ARHGEF18: variants seen among roughly 807,000 people sequenced by gnomAD.
ARHGEF18 encodes the protein Rho/Rac guanine nucleotide exchange factor 18, also known as rho guanine nucleotide exchange factor 18.
A neutral mutation model predicts 155.7 loss-of-function variants in ARHGEF18; 93 were observed. That is an observed-to-expected ratio of 0.60 (90% CI 0.50 to 0.71). The LOEUF (loss-of-function observed/expected upper bound fraction) is 0.71, where lower values mean the gene tolerates loss of function less well. ARHGEF18 is among the 30% of genes least tolerant of loss of function. The probability of loss-of-function intolerance (pLI) is 0.00; values close to 1 mark genes in which losing one functional copy is unlikely to be tolerated. For synonymous variants in ARHGEF18, 742 were observed against 753.1 expected (o/e 0.99, Z 0.24); for missense variants, 1,593 against 1,816.1 (o/e 0.88, Z 2.23).
chr19:7,429,374 A>G (rs12460015), intron 10 of ARHGEF18, among the ~76,000 whole-genome samples: 86,811 of 151,936 alleles, frequency 0.57, 25,071 homozygotes, highest in Middle Eastern at 0.75. Context: ...AGGCCAAGGC[A>G]GGCAGATCAC....
intron 10 of ARHGEF18, among the ~76,000 whole-genome samples, chr19:7,436,497 T>G (rs1216938478): frequency 6.6e-6 from 1 of 152,070 alleles, no homozygotes; most frequent in African/African-American, 2.4e-5. Context: ...AGGCTGGTCT[T>G]GAACTCCTGA....
At position 7,451,191 on chromosome 19, in the gene ARHGEF18, G is replaced by T; in HGVS notation, c.1780G>T (p.Glu594Ter). Residue 594 changes from glutamate (E) to a stop codon, truncating the protein, a stop_gained, in exon 16 of 29, where the codon GAG becomes TAG. Transcript: ENST00000668164. LOFTEE classifies it high-confidence loss of function. ...CATCGTGCGGCGGCTTGGCGTGCAG[G>T]AGTGCATTCTCCTGGTTACACAACG... ...FSIVRRLGVQ[E>*]CILLVTQRIT... The T allele has an allele frequency of 6.3e-7, 1 of 1,588,782 alleles. No individual in the cohort carries two copies. Among genetic ancestry groups the T allele is most frequent in the Non-Finnish European group, 8.6e-7 (1 of 1,169,578 alleles).
intron 2 of ARHGEF18, among the ~76,000 whole-genome samples, chr19:7,372,342 T>C (rs10410488): frequency 0.2 from 29,835 of 151,652 alleles, 6,699 homozygotes; most frequent in African/African-American, 0.54. Flanking sequence ...AGAGGAGGTT[T>C]TGCAAGAAGA....
chr19:7,354,127 T>C (rs1969224835), intron 1 of ARHGEF18, among the ~76,000 whole-genome samples: 1 of 151,684 alleles, frequency 6.6e-6, no homozygotes, highest in Non-Finnish European at 1.5e-5. Context: ...CTGGGCAACA[T>C]AGAAGACCCC....
chr19:7,362,026 AAGGAGAAGGAGAAGG>A (rs1969589732), intron 1 of ARHGEF18, among the ~76,000 whole-genome samples: 1 of 60,304 alleles, frequency 1.7e-5, no homozygotes, highest in Non-Finnish European at 2.9e-5. Context: ...GGAGAAGGAG[AAGGAGAAGGAGAAGG>A]AGAAGGAGAA....
chr19:7,356,110 C>T (rs1007748827), intron 1 of ARHGEF18, among the ~76,000 whole-genome samples: 10 of 151,942 alleles, frequency 6.6e-5, no homozygotes, highest in Admixed American at 3.9e-4. Flanking sequence ...CTGGGGCACA[C>T]ACCTCCCTCC....
chr19:7,423,727 G>A (rs1031551667), intron 10 of ARHGEF18, among the ~76,000 whole-genome samples: 4 of 150,224 alleles, frequency 2.7e-5, no homozygotes, highest in East Asian at 1.9e-4. Flanking sequence ...AAAAAAGCAC[G>A]TGGCAGAATA....
chr19:7,425,188 A>G (rs1259066892), intron 10 of ARHGEF18, among the ~76,000 whole-genome samples: 1 of 151,998 alleles, frequency 6.6e-6, no homozygotes, highest in African/African-American at 2.4e-5. Context: ...AGAATGTTCC[A>G]CTTTGTTCCG....
intron 10 of ARHGEF18, among the ~76,000 whole-genome samples, chr19:7,423,531 C>T (rs1441515261): frequency 6.6e-6 from 1 of 151,970 alleles, no homozygotes; most frequent in East Asian, 1.9e-4. Context: ...GAAAATCCTT[C>T]TCTACTACAA....
intron 15 of ARHGEF18, among the ~76,000 whole-genome samples, chr19:7,449,628 G>A (rs1975231929): frequency 6.6e-6 from 1 of 152,120 alleles, no homozygotes; most frequent in Non-Finnish European, 1.5e-5. Flanking sequence ...CATTGTGTGT[G>A]TGGACAGCTT....
chr19:7,359,842 G>A (rs890623970), intron 1 of ARHGEF18, among the ~76,000 whole-genome samples: 5 of 151,720 alleles, frequency 3.3e-5, no homozygotes, highest in South Asian at 2.1e-4. Flanking sequence ...CCTGTTCCTC[G>A]GTCAGAAGCT....
At chr19:7,439,221 C>T (rs1184767574) in intron 10 of ARHGEF18, among the ~76,000 whole-genome samples, 2 of 150,970 alleles carry the variant, frequency 1.3e-5, no homozygotes, top group African/African-American at 4.9e-5. Flanking sequence ...TTGGGAGGCC[C>T]AAAGCAGGAG....
chr19:7,400,893 G>T (rs1475217821), intron 10 of ARHGEF18, among the ~76,000 whole-genome samples: 6 of 152,122 alleles, frequency 3.9e-5, no homozygotes, highest in Admixed American at 3.3e-4. Flanking sequence ...CTCTCTCATT[G>T]CAGTGTGGGA....
intron 10 of ARHGEF18, among the ~76,000 whole-genome samples, chr19:7,434,025 AAAAAAAAAAAAAG>A (rs2145737283): frequency 8.6e-6 from 1 of 116,274 alleles, no homozygotes; most frequent in African/African-American, 3.4e-5. Flanking sequence ...CTCATTAAAA[AAAAAAAAAAAAAG>A]AAAAAAAAAG....
intron 1 of ARHGEF18, 32 bp from the exon 2 acceptor site, chr19:7,362,749 T>A (rs1969683474): frequency 2.4e-6 from 3 of 1,233,040 alleles, no homozygotes; most frequent in Non-Finnish European, 3.0e-6. Context: ...TCCCAGCTTA[T>A]CCCTGACACC....
chr19:7,403,406 ATCTG>A (rs1279542260), intron 10 of ARHGEF18, among the ~76,000 whole-genome samples: 2 of 152,140 alleles, frequency 1.3e-5, no homozygotes, highest in East Asian at 3.8e-4. Context: ...CTGTCTCTAG[ATCTG>A]TCTATTCTAG....
downstream of ARHGEF18, chr19:7,477,096 C>T (rs1470620499): frequency 8.9e-7 from 1 of 1,123,524 alleles, no homozygotes; most frequent in Admixed American, 3.6e-5. Flanking sequence ...ATGGGTTTCA[C>T]CACAGGCAGC....
Position 7,462,115 on chromosome 19 carries a change from G to A in ARHGEF18, c.2453-37G>A, listed in dbSNP as rs372168219. 5.0e-6 allele frequency: 8 copies of A among 1,613,040 alleles called. No individual in the cohort carries two copies. Among genetic ancestry groups the A allele is most frequent in the East Asian group, 2.2e-5 (1 of 44,868 alleles). On this transcript the variant is annotated intron_variant, in intron 20 of 28. Coordinates refer to ENST00000668164, the MANE Select transcript of ARHGEF18 (RefSeq NM_001367823.1). This position sits in a 1 kb window ranked among gnomAD's most constrained non-coding sequence, Gnocchi z 4.4. ...GGCTCAGATGATTCCAGGGAAGGCCGACCCGGCTGACTGCCACCTCCACCA... is the reference window on the plus strand; with the variant it reads ...GGCTCAGATGATTCCAGGGAAGGCCAACCCGGCTGACTGCCACCTCCACCA...
At chr19:7,382,211 C>T (rs1429373619) in intron 8 of ARHGEF18, among the ~76,000 whole-genome samples, 2 of 151,810 alleles carry the variant, frequency 1.3e-5, no homozygotes, top group Non-Finnish European at 2.9e-5. Flanking sequence ...CTGGCCAACA[C>T]GGTGAAACCC....
Sources: allele counts gnomAD v4.1 joint callset (sites outside exome capture counted in the v4.1 genomes callset), GRCh38; gene constraint gnomAD v4.1.1; non-coding constraint Gnocchi (gnomAD v3.1); transcripts MANE v1.5; gene names NCBI Gene and HGNC (gene_info 2026-07-23, HGNC 2026-07-21).